The following CAST variants were observed in gnomAD, a reference collection of about 807,000 sequenced individuals.
CAST encodes the protein MIR583 host.
In CAST, 76 loss-of-function variants were observed where a neutral mutation model predicts 119.6. That is an observed-to-expected ratio of 0.64 (90% CI 0.53 to 0.77). The LOEUF (loss-of-function observed/expected upper bound fraction) is 0.77, where lower values mean the gene tolerates loss of function less well. CAST is among the 30% of genes least tolerant of loss of function. The pLI is 0.00. For synonymous variants in CAST, 319 were observed against 331.6 expected (o/e 0.96, Z 0.41); for missense variants, 953 against 946.5 (o/e 1.01, Z -0.09).
At chr5:95,978,971 C>T in the CAST span, among the ~76,000 whole-genome samples, 15 of 152,196 alleles carry the variant, frequency 9.9e-5, no homozygotes, top group African/African-American at 3.1e-4. Context: ...GTGGGAAATT[C>T]ACACTCAGCT....
At chr5:96,719,441 G>A (rs1757808311) in intron 3 of CAST, among the ~76,000 whole-genome samples, 1 of 152,242 alleles carries the variant, frequency 6.6e-6, no homozygotes, top group Non-Finnish European at 1.5e-5. Flanking sequence ...GATTTCAGGT[G>A]TGAGCCATTG....
chr5:96,139,796 C>A, the CAST span, among the ~76,000 whole-genome samples: 6 of 151,696 alleles, frequency 4.0e-5, no homozygotes, highest in South Asian at 1.2e-3. Context: ...ATAATATTCC[C>A]CTTCTAATTA....
chr5:96,411,592 C>A, the CAST span, among the ~76,000 whole-genome samples: 1 of 152,324 alleles, frequency 6.6e-6, no homozygotes, highest in East Asian at 1.9e-4. Flanking sequence ...AGGTATTCAA[C>A]AGGCACGTGC....
chr5:96,142,709 G>T, the CAST span, among the ~76,000 whole-genome samples: 1 of 152,146 alleles, frequency 6.6e-6, no homozygotes, highest in Non-Finnish European at 1.5e-5. Flanking sequence ...TATGGTGGAG[G>T]TGCAGTGGGA....
At chr5:96,738,721 T>G (rs1396281594) in intron 11 of CAST, among the ~76,000 whole-genome samples, 1 of 151,872 alleles carries the variant, frequency 6.6e-6, no homozygotes, top group Non-Finnish European at 1.5e-5. Context: ...TCATCTGAGG[T>G]CAGGAGTTCA....
chr5:96,062,718 G>A, the CAST span, among the ~76,000 whole-genome samples: 1 of 152,134 alleles, frequency 6.6e-6, no homozygotes, highest in Non-Finnish European at 1.5e-5. Flanking sequence ...CCCAATGGGG[G>A]TGTGGAAAAA....
In CAST at chr5:96,683,838, CA is replaced by C. The variant is rs1751733304; in HGVS notation, c.138+8239del. Reference sequence around the variant, plus strand: ...TCCTGGCATTATGTAGACATTAAAGCAATCTATTTATCCTAAGATACAAATT... The same window carrying C: ...TCCTGGCATTATGTAGACATTAAAGCATCTATTTATCCTAAGATACAAATT... On this transcript the variant is annotated intron_variant, in intron 2 of 31. Transcript: ENST00000675179. Among the ~76,000 whole-genome samples, 7 of 152,290 alleles carry C rather than the reference CA, an allele frequency of 4.6e-5. No homozygotes were observed. The South Asian group carries it at 1.4e-3, about 32-fold the overall frequency.
At chr5:96,074,799 A>C in the CAST span, among the ~76,000 whole-genome samples, 5 of 152,242 alleles carry the variant, frequency 3.3e-5, no homozygotes, top group Admixed American at 3.3e-4. Flanking sequence ...AATAAGGAAG[A>C]GGTTGAAATT....
chr5:96,275,540 C>G, the CAST span, among the ~76,000 whole-genome samples: 6 of 152,302 alleles, frequency 3.9e-5, 1 homozygote, highest in African/African-American at 1.4e-4. Flanking sequence ...TGTGTAAGCT[C>G]TCATGTTTTC....
chr5:96,352,978 C>T, the CAST span, among the ~76,000 whole-genome samples: 1 of 152,134 alleles, frequency 6.6e-6, no homozygotes, highest in Non-Finnish European at 1.5e-5. Flanking sequence ...GTCAATTAAA[C>T]CTCTTTTCCT....
chr5:96,479,761 A>T, the CAST span, among the ~76,000 whole-genome samples: 17 of 152,080 alleles, frequency 1.1e-4, no homozygotes, highest in Non-Finnish European at 2.1e-4. Context: ...ACTCTTAAAG[A>T]GTAGATAATG....
the CAST span, among the ~76,000 whole-genome samples, chr5:96,169,244 T>C: frequency 3.2e-4 from 49 of 152,216 alleles, no homozygotes; most frequent in African/African-American, 1.2e-3. Context: ...ATGGGGGCTG[T>C]CTGTGAAGCC....
chr5:96,578,740 G>T (rs8180398), intron 1 of CAST, among the ~76,000 whole-genome samples: 10,980 of 151,976 alleles, frequency 0.072, 918 homozygotes, highest in East Asian at 0.31. Context: ...GTTGAAGTTG[G>T]GGATGTTTTA....
intron 24 of CAST, chr5:96,761,971 CTT>C (rs1768119494): frequency 4.9e-6 from 1 of 202,370 alleles, no homozygotes; most frequent in South Asian, 1.7e-4. Context: ...GAGCTGAAAA[CTT>C]TGAATAACCT....
chr5:96,285,090 T>G, the CAST span, among the ~76,000 whole-genome samples: 1 of 152,212 alleles, frequency 6.6e-6, no homozygotes, highest in Non-Finnish European at 1.5e-5. Context: ...TCCAGGAGGT[T>G]TCAAAGCTCA....
At chr5:96,180,253 A>G in the CAST span, among the ~76,000 whole-genome samples, 1 of 152,230 alleles carries the variant, frequency 6.6e-6, no homozygotes, top group African/African-American at 2.4e-5. Flanking sequence ...AGCCCCTTTG[A>G]CAGAAAAGTT....
At chr5:96,737,827 A>G (rs746083571) in intron 10 of CAST, 22 bp from the exon 11 acceptor site, 6 of 1,308,096 alleles carry the variant, frequency 4.6e-6, no homozygotes, top group South Asian at 1.2e-5. Flanking sequence ...TAACATTTAA[A>G]TATCTGTTCT....
the CAST span, among the ~76,000 whole-genome samples, chr5:95,983,045 A>C: frequency 6.6e-6 from 1 of 152,228 alleles, no homozygotes; most frequent in Non-Finnish European, 1.5e-5. Context: ...AAAATAAACA[A>C]ATTTTGTAAA....
the CAST span, among the ~76,000 whole-genome samples, chr5:96,288,543 T>C: frequency 6.6e-6 from 1 of 152,302 alleles, no homozygotes; most frequent in East Asian, 1.9e-4. Context: ...TTGAACTAGG[T>C]TAATGTTAAC....
Sources: gnomAD v4.1 joint callset for allele counts (sites outside exome capture counted in the v4.1 genomes callset) on GRCh38, gnomAD v4.1.1 for gene constraint, MANE v1.5 for transcripts, NCBI Gene and HGNC (gene_info 2026-07-23, HGNC 2026-07-21) for gene names.